Variants in CA5A observed in about 807,000 individuals in gnomAD.
CA5A encodes carbonic anhydrase 5A, mitochondrial.
A neutral mutation model predicts 37.1 loss-of-function variants in CA5A; 28 were observed. The ratio of observed to expected loss-of-function variants is 0.75; its 90% CI spans 0.56 to 1.03. The LOEUF (loss-of-function observed/expected upper bound fraction) is 1.03. CA5A is among the 50% of genes least tolerant of loss of function. CA5A has a pLI of 0.00. For missense variants in CA5A, 444 were observed against 399.9 expected, an observed-to-expected ratio of 1.11 and a Z score of -0.94; for synonymous variants, 171 against 158.4, an observed-to-expected ratio of 1.08 and a Z score of -0.60.
intron 2 of CA5A, among the ~76,000 whole-genome samples, chr16:87,923,308 T>TC (rs974220725): frequency 3.9e-5 from 6 of 152,046 alleles, no homozygotes; most frequent in Non-Finnish European, 5.9e-5. Context: ...CCTGCCTCAG[T>TC]CCCCCGAGGA....
intron 5 of CA5A, among the ~76,000 whole-genome samples, chr16:87,898,646 G>T (rs542099395): frequency 1.3e-5 from 2 of 152,170 alleles, no homozygotes; most frequent in African/African-American, 4.8e-5. Context: ...CCACAGCTGG[G>T]CCTTAAACTC....
chr16:87,914,047 G>A (rs1316749834), intron 2 of CA5A, among the ~76,000 whole-genome samples: 2 of 152,234 alleles, frequency 1.3e-5, no homozygotes, highest in Non-Finnish European at 2.9e-5. Context: ...CTGGATCTCC[G>A]TGAGTGCCAG....
Position 87,917,824 on chromosome 16 carries a change from C to T in CA5A, c.340+8924G>A, listed in dbSNP as rs115237327. 8.0e-3 allele frequency among the ~76,000 whole-genome samples: 1,152 copies of T among 144,030 alleles called. 18 individuals are homozygous for T. The highest frequency in any genetic ancestry group is 0.029 in the African/African-American group (1,087 of 37,972). The allele number at this position is 144,030 out of a possible 152,430, so 94.5% of individuals were successfully genotyped here. ...GCACATGTGCACACATGCACACGAA[C>T]ACACATGCACACACACGTGCACACA... On this transcript the variant is annotated intron_variant, in intron 2 of 6. Coordinates refer to ENST00000649794, the MANE Select transcript of CA5A (RefSeq NM_001739.2).
chr16:87,923,347 C>G (rs2056256583), intron 2 of CA5A, among the ~76,000 whole-genome samples: 1 of 152,200 alleles, frequency 6.6e-6, no homozygotes, highest in Admixed American at 6.5e-5. Context: ...CGCCACCAAC[C>G]TGGCTAATTT....
At chr16:87,900,120 T>A in intron 5 of CA5A, among the ~76,000 whole-genome samples, 1 of 151,976 alleles carries the variant, frequency 6.6e-6, no homozygotes, top group African/African-American at 2.4e-5. Flanking sequence ...CTCCAGAACC[T>A]TCCCCGGGAG....
At chr16:87,926,400 C>T (rs971129026) in intron 2 of CA5A, among the ~76,000 whole-genome samples, 4 of 152,158 alleles carry the variant, frequency 2.6e-5, no homozygotes, top group African/African-American at 9.7e-5. Flanking sequence ...CTTCTGAGTT[C>T]CTCTTCCGAC....
At chr16:87,931,301 G>A (rs748326900) in intron 1 of CA5A, among the ~76,000 whole-genome samples, 3 of 151,336 alleles carry the variant, frequency 2.0e-5, no homozygotes, top group South Asian at 4.2e-4. Flanking sequence ...TAGTAGAGAC[G>A]GGGTTTCACC....
chr16:87,908,971 G>A (rs190081492), intron 2 of CA5A, among the ~76,000 whole-genome samples: 3 of 149,564 alleles, frequency 2.0e-5, no homozygotes, highest in East Asian at 3.9e-4. Flanking sequence ...CTACAGGTGC[G>A]CACCACCACA....
chr16:87,930,585 G>A (rs914121838), intron 1 of CA5A, among the ~76,000 whole-genome samples: 3 of 152,136 alleles, frequency 2.0e-5, no homozygotes, highest in African/African-American at 7.2e-5. Context: ...TAAAGCTGCT[G>A]TGGGCAACGG....
At chr16:87,926,705 C>T (rs757444587) in intron 2 of CA5A, 43 bp downstream of exon 2, 5 of 1,515,556 alleles carry the variant, frequency 3.3e-6, no homozygotes, top group South Asian at 1.2e-5. Flanking sequence ...GCTGCCAGAA[C>T]AACGGGAGAG....
intron 2 of CA5A, among the ~76,000 whole-genome samples, chr16:87,910,883 G>A (rs527372830): frequency 3.3e-5 from 5 of 152,028 alleles, no homozygotes; most frequent in Non-Finnish European, 5.9e-5. Context: ...CCGAGTAGCT[G>A]GGATTATAGG....
At chr16:87,932,065 G>A (rs11644971) in intron 1 of CA5A, among the ~76,000 whole-genome samples, 1 of 152,078 alleles carries the variant, frequency 6.6e-6, no homozygotes, top group Non-Finnish European at 1.5e-5. Context: ...AGTGAGCTGA[G>A]ATTGCGCTAT....
chr16:87,902,327 C>T, intron 4 of CA5A, 98 bp downstream of exon 4: 1 of 746,756 alleles, frequency 1.3e-6, no homozygotes. Context: ...GCACTCCAGC[C>T]TGTGTGACAC....
At chr16:87,890,665 G>A (rs2055699693) in intron 6 of CA5A, among the ~76,000 whole-genome samples, 1 of 152,012 alleles carries the variant, frequency 6.6e-6, no homozygotes, top group Non-Finnish European at 1.5e-5. Flanking sequence ...ACCCAGGTTG[G>A]AGTGCAGTGG....
intron 2 of CA5A, among the ~76,000 whole-genome samples, chr16:87,917,246 G>A (rs1203875065): frequency 6.6e-6 from 1 of 152,158 alleles, no homozygotes; most frequent in East Asian, 1.9e-4. Context: ...ATTGGACAGG[G>A]ATGGGCACTC....
intron 1 of CA5A, among the ~76,000 whole-genome samples, chr16:87,928,794 A>C (rs1597587983): frequency 1.0e-5 from 1 of 98,864 alleles, no homozygotes; most frequent in Non-Finnish European, 1.8e-5. Flanking sequence ...TTTGAGACGG[A>C]GTCTCACTCG....
At chr16:87,908,481 T>C in intron 2 of CA5A, among the ~76,000 whole-genome samples, 1 of 152,190 alleles carries the variant, frequency 6.6e-6, no homozygotes, top group Admixed American at 6.5e-5. Flanking sequence ...ACCCTAGGGT[T>C]CTACGTAGGC....
chr16:87,888,052 A>C lies in CA5A; in HGVS notation c.*77T>G, dbSNP rs868516063. 3 of 1,515,614 alleles carry C rather than the reference A, an allele frequency of 2.0e-6. No individual in the cohort carries two copies. The highest frequency in any genetic ancestry group is 2.7e-6 in the Non-Finnish European group (3 of 1,128,630). The allele number at this position is 1,515,614 out of a possible 1,614,324, so 93.9% of individuals were successfully genotyped here. A position where few individuals can be genotyped will look rare whatever the true frequency, so the allele number is the denominator to read the frequency against. On this transcript the variant is annotated 3_prime_UTR_variant, in exon 7 of 7. Coordinates refer to ENST00000649794, the MANE Select transcript of CA5A (RefSeq NM_001739.2). Reference sequence around the variant, plus strand: ...CTTTTTAATTTCAGAAGTCATGTACAATCACATTGTGAAACTTGGGAAACA... The same window carrying C: ...CTTTTTAATTTCAGAAGTCATGTACCATCACATTGTGAAACTTGGGAAACA...
At chr16:87,914,255 T>C (rs575507639) in intron 2 of CA5A, among the ~76,000 whole-genome samples, 1 of 152,328 alleles carries the variant, frequency 6.6e-6, no homozygotes, top group African/African-American at 2.4e-5. Context: ...GTGACCATGG[T>C]AGGCATTACC....
Sources: gnomAD v4.1 joint callset for allele counts (sites outside exome capture counted in the v4.1 genomes callset) on GRCh38, gnomAD v4.1.1 for gene constraint, MANE v1.5 for transcripts, NCBI Gene and HGNC (gene_info 2026-07-23, HGNC 2026-07-21) for gene names.